B4GALNT3: variants seen among roughly 807,000 people sequenced by gnomAD.
The protein encoded by B4GALNT3 is beta-1,4-N-acetyl-galactosaminyltransferase 3.
Under a neutral mutation model 120.2 loss-of-function variants are expected in B4GALNT3, and 86 were observed. That is an observed-to-expected ratio of 0.72 (90% CI 0.60 to 0.86). The LOEUF is 0.86. Among genes scored for constraint, B4GALNT3 ranks in the 40% least tolerant of loss-of-function variants. The probability of loss-of-function intolerance (pLI) is 0.00; values close to 1 mark genes in which losing one functional copy is unlikely to be tolerated. For synonymous variants in B4GALNT3, 518 were observed against 510.4 expected, an observed-to-expected ratio of 1.01 and a Z score of -0.20; for missense variants, 1,167 against 1,298.9, an observed-to-expected ratio of 0.90 and a Z score of 1.56.
chr12:544,818 T>C (rs1008587), intron 4 of B4GALNT3, 64 bp from the exon 5 acceptor site: 716,937 of 1,524,448 alleles, frequency 0.47, 170,679 homozygotes, highest in East Asian at 0.6. Flanking sequence ...TTCCCGCCAA[T>C]CCTGGCGGGA....
chr12:473,739 TGCTC>T (rs1946158631), intron 1 of B4GALNT3, among the ~76,000 whole-genome samples: 1 of 152,198 alleles, frequency 6.6e-6, no homozygotes, highest in Non-Finnish European at 1.5e-5. Flanking sequence ...TGCCAGGCTA[TGCTC>T]TGGGTGTTAG....
chr12:498,208 T>A (rs1483951350), intron 1 of B4GALNT3, among the ~76,000 whole-genome samples: 1 of 152,188 alleles, frequency 6.6e-6, no homozygotes, highest in Non-Finnish European at 1.5e-5. Flanking sequence ...CGATGCTGTT[T>A]CTGATTGCGT....
chr12:515,916 T>C (rs1331586795), intron 1 of B4GALNT3, among the ~76,000 whole-genome samples: 1 of 152,062 alleles, frequency 6.6e-6, no homozygotes, highest in Non-Finnish European at 1.5e-5. Context: ...GACTGGTGGA[T>C]CACGAGGTCA....
intron 1 of B4GALNT3, among the ~76,000 whole-genome samples, chr12:465,015 A>G (rs767097751): frequency 2.6e-5 from 4 of 152,106 alleles, no homozygotes; most frequent in Admixed American, 6.5e-5. Context: ...AGGCAGGGAG[A>G]GAGGGAGAAG....
chr12:515,627 G>A (rs150544066), intron 1 of B4GALNT3, among the ~76,000 whole-genome samples: 19 of 152,140 alleles, frequency 1.2e-4, no homozygotes, highest in African/African-American at 4.1e-4. Context: ...AATATTTACC[G>A]TATGCCACTC....
chr12:463,507 G>T (rs893175431), intron 1 of B4GALNT3, among the ~76,000 whole-genome samples: 1 of 152,180 alleles, frequency 6.6e-6, no homozygotes, highest in Non-Finnish European at 1.5e-5. Flanking sequence ...GTGCCAGGCC[G>T]TGTAGGTGTG....
chr12:488,076 C>T (rs879636131), intron 1 of B4GALNT3, among the ~76,000 whole-genome samples: 1 of 151,520 alleles, frequency 6.6e-6, no homozygotes, highest in Non-Finnish European at 1.5e-5. Flanking sequence ...TGGTGACTCA[C>T]GTATGTAATC....
chr12:555,827 C>T (rs547622682), intron 14 of B4GALNT3, among the ~76,000 whole-genome samples: 7 of 152,056 alleles, frequency 4.6e-5, no homozygotes, highest in African/African-American at 1.4e-4. Context: ...CTCTGTCGCC[C>T]AGGCTGGAGT....
At chr12:521,188 T>C (rs1946705761) in intron 1 of B4GALNT3, among the ~76,000 whole-genome samples, 1 of 152,086 alleles carries the variant, frequency 6.6e-6, no homozygotes, top group Non-Finnish European at 1.5e-5. Flanking sequence ...GGATGTGCGG[T>C]CCTTCTGCCA....
intron 1 of B4GALNT3, among the ~76,000 whole-genome samples, chr12:469,985 C>T (rs1455925234): frequency 1.3e-5 from 2 of 152,074 alleles, no homozygotes; most frequent in African/African-American, 4.8e-5. Flanking sequence ...CAGTGTACAT[C>T]CTAGCTTTGT....
At chr12:463,874 T>C (rs1946050857) in intron 1 of B4GALNT3, among the ~76,000 whole-genome samples, 1 of 152,212 alleles carries the variant, frequency 6.6e-6, no homozygotes, top group Non-Finnish European at 1.5e-5. Context: ...AGGATGATGC[T>C]GTATGTGGAA....
intron 19 of B4GALNT3, among the ~76,000 whole-genome samples, chr12:561,118 G>A (rs573343904): frequency 8.5e-5 from 13 of 152,168 alleles, no homozygotes; most frequent in East Asian, 3.8e-4. Flanking sequence ...TGTGATAATC[G>A]TCCTCCTAGA....
At chr12:547,525 A>G (rs1164806232) in intron 7 of B4GALNT3, among the ~76,000 whole-genome samples, 1 of 152,144 alleles carries the variant, frequency 6.6e-6, no homozygotes, top group Non-Finnish European at 1.5e-5. Context: ...TCTTGCTTGC[A>G]AAGAGCACTC....
At chr12:501,609 G>A (rs1445956048) in intron 1 of B4GALNT3, among the ~76,000 whole-genome samples, 1 of 152,100 alleles carries the variant, frequency 6.6e-6, no homozygotes, top group African/African-American at 2.4e-5. Context: ...AAGAAATAGG[G>A]GTCAGAGAAC....
At position 548,511 on chromosome 12, in the gene B4GALNT3, T is replaced by A. The variant is rs1947036135; in HGVS notation, c.853+214T>A. On this transcript the variant is annotated intron_variant, in intron 9 of 19. Coordinates refer to ENST00000266383, the MANE Select transcript of B4GALNT3 (RefSeq NM_173593.4). This position sits in a 1 kb window ranked among gnomAD's most constrained non-coding sequence, Gnocchi z 4.9. ...ACCCCTTTGAGAACCTGCTAGAAGCTCTCTGAGCCCTTGCCTCAGAAAAAT... is the reference window on the plus strand; with the variant it reads ...ACCCCTTTGAGAACCTGCTAGAAGCACTCTGAGCCCTTGCCTCAGAAAAAT... Among the ~76,000 whole-genome samples, 1 of 152,104 alleles carries A rather than the reference T, an allele frequency of 6.6e-6. No homozygotes were observed. Among genetic ancestry groups the A allele is most frequent in the African/African-American group, 2.4e-5 (1 of 41,418 alleles).
At chr12:485,892 T>C (rs1319319770) in intron 1 of B4GALNT3, among the ~76,000 whole-genome samples, 3 of 152,172 alleles carry the variant, frequency 2.0e-5, no homozygotes, top group African/African-American at 7.2e-5. Flanking sequence ...GGAAAACTGC[T>C]GTCCCCAAAA....
rs1946008592 is a variant in B4GALNT3 at position 460,421 on chromosome 12, G to A, written c.45G>A (p.Pro15=). The change falls in exon 1 of 20, where the codon CCG becomes CCA. Residue 15 remains proline, a synonymous_variant. Coordinates refer to ENST00000266383, the MANE Select transcript of B4GALNT3 (RefSeq NM_173593.4). This position sits in a 1 kb window ranked among gnomAD's most constrained non-coding sequence, Gnocchi z 8.0. Reference sequence around the variant, plus strand: ...CGCGGCCCCCGCTGCTCCTGCGCCCGGTGAAGCTGCTGCGGAGGCGCTTCC... The same window carrying A: ...CGCGGCCCCCGCTGCTCCTGCGCCCAGTGAAGCTGCTGCGGAGGCGCTTCC... The part of the protein sequence containing the change: ...RAARPPLLLR[P]VKLLRRRFRL... 12 of 1,541,222 alleles carry A rather than the reference G, an allele frequency of 7.8e-6. 1 individual carries two copies. In the South Asian group the frequency reaches 1.3e-4, roughly 17 times the overall value.
chr12:514,703 A>C (rs1453968208), intron 1 of B4GALNT3, among the ~76,000 whole-genome samples: 4 of 152,000 alleles, frequency 2.6e-5, no homozygotes, highest in African/African-American at 9.7e-5. Context: ...GTATAAGAAG[A>C]GTTTAGAATT....
intron 7 of B4GALNT3, among the ~76,000 whole-genome samples, chr12:547,560 C>A (rs1280623150): frequency 2.6e-5 from 4 of 152,106 alleles, no homozygotes; most frequent in South Asian, 2.1e-4. Context: ...GTGGTGGGTA[C>A]GCCGTGTGCA....
Sources: gnomAD v4.1 joint callset for allele counts (sites outside exome capture counted in the v4.1 genomes callset) on GRCh38, gnomAD v4.1.1 for gene constraint, Gnocchi (gnomAD v3.1) non-coding constraint, MANE v1.5 for transcripts, NCBI Gene and HGNC (gene_info 2026-07-23, HGNC 2026-07-21) for gene names.